Variants in DSCAM observed in about 807,000 individuals in gnomAD.
DSCAM encodes DS cell adhesion molecule.
DSCAM carries 47 observed loss-of-function variants against 217.7 expected under a neutral mutation model. The observed-to-expected ratio is 0.22, with a 90% CI of 0.17 to 0.28. DSCAM has a LOEUF of 0.28. DSCAM is among the 10% of genes least tolerant of loss of function. DSCAM has a pLI of 1.00. For missense variants in DSCAM, 2,080 were observed against 2,618.3 expected, an observed-to-expected ratio of 0.79 and a Z score of 4.49; for synonymous variants, 1,056 against 1,015.3, an observed-to-expected ratio of 1.04 and a Z score of -0.76.
At chr21:40,224,984 AACT>A (rs2146911020) in intron 11 of DSCAM, among the ~76,000 whole-genome samples, 2 of 152,354 alleles carry the variant, frequency 1.3e-5, no homozygotes, top group Non-Finnish European at 2.9e-5. Context: ...TTGAATTAGA[AACT>A]ACCTTTTCAA....
chr21:40,475,909 T>A (rs2075931263), intron 3 of DSCAM, among the ~76,000 whole-genome samples: 1 of 152,180 alleles, frequency 6.6e-6, no homozygotes, highest in Non-Finnish European at 1.5e-5. Flanking sequence ...GTTTCTTTTG[T>A]GTGTAAGTTG....
intron 4 of DSCAM, among the ~76,000 whole-genome samples, chr21:40,356,295 C>A (rs2123658226): frequency 6.6e-6 from 1 of 151,970 alleles, no homozygotes; most frequent in South Asian, 2.1e-4. Context: ...GACAGTTGAT[C>A]TTAAACATTG....
chr21:40,206,851 C>T (rs2091132586), intron 11 of DSCAM, among the ~76,000 whole-genome samples: 1 of 152,194 alleles, frequency 6.6e-6, no homozygotes, highest in Admixed American at 6.5e-5. Flanking sequence ...GTCAAGGCTG[C>T]AGTGAACTCT....
intron 11 of DSCAM, among the ~76,000 whole-genome samples, chr21:40,198,009 T>C (rs992245615): frequency 2.0e-5 from 3 of 152,150 alleles, no homozygotes; most frequent in African/African-American, 7.2e-5. Flanking sequence ...CTGAACACCC[T>C]TGGAAGCCCC....
chr21:40,456,722 G>A lies in DSCAM; in HGVS notation c.509-87477C>T, dbSNP rs1055769370. Reference sequence around the variant, plus strand: ...ATTATTGTGAATACAATGGAATGATGAGTGTCACTAAATGGATAGCTAATA... The same window carrying A: ...ATTATTGTGAATACAATGGAATGATAAGTGTCACTAAATGGATAGCTAATA... On this transcript the variant is annotated intron_variant, in intron 3 of 32. Coordinates refer to ENST00000400454, the MANE Select transcript of DSCAM (RefSeq NM_001389.5). Among the ~76,000 whole-genome samples the A allele has an allele frequency of 2.1e-4, 32 of 151,826 alleles. 1 individual carries two copies. The highest frequency in any genetic ancestry group is 1.8e-3 in the Admixed American group (28 of 15,242).
intron 3 of DSCAM, among the ~76,000 whole-genome samples, chr21:40,498,870 G>A (rs932341480): frequency 7.6e-5 from 11 of 145,240 alleles, no homozygotes; most frequent in Non-Finnish European, 1.5e-4. Flanking sequence ...TATTATAAGA[G>A]AGTAATAAAA....
chr21:40,398,199 G>A (rs1392529133), intron 3 of DSCAM, among the ~76,000 whole-genome samples: 1 of 152,170 alleles, frequency 6.6e-6, no homozygotes, highest in Non-Finnish European at 1.5e-5. Context: ...TAGGGGACAT[G>A]TCACTTTGAT....
intron 27 of DSCAM, among the ~76,000 whole-genome samples, chr21:40,073,692 T>C (rs1264671907): frequency 1.3e-5 from 2 of 152,238 alleles, no homozygotes; most frequent in Non-Finnish European, 2.9e-5. Flanking sequence ...TATTTCTGTA[T>C]TCATGACATG....
chr21:40,841,972 C>T (rs922649604), intron 1 of DSCAM, among the ~76,000 whole-genome samples: 11 of 152,218 alleles, frequency 7.2e-5, no homozygotes, highest in African/African-American at 2.2e-4. Flanking sequence ...ACGAACTCTA[C>T]GACGCCGGAG....
chr21:40,348,698 A>G (rs1182207455), intron 5 of DSCAM, among the ~76,000 whole-genome samples: 1 of 152,186 alleles, frequency 6.6e-6, no homozygotes, highest in Non-Finnish European at 1.5e-5. Context: ...TATCAGCCAC[A>G]TTATTTCACA....
intron 3 of DSCAM, among the ~76,000 whole-genome samples, chr21:40,428,289 T>TGTGA (rs1555917210): frequency 7.7e-5 from 11 of 142,062 alleles, no homozygotes; most frequent in African/African-American, 2.7e-4. Context: ...TGTGTGTGTG[T>TGTGA]GATGGAGTTT....
chr21:40,584,446 A>G (rs566620448), intron 3 of DSCAM, among the ~76,000 whole-genome samples: 44 of 152,230 alleles, frequency 2.9e-4, no homozygotes, highest in Non-Finnish European at 5.0e-4. Flanking sequence ...CGTCGGCAGC[A>G]GGGCAGTGAG....
At chr21:40,674,861 G>T (rs1483525889) in intron 3 of DSCAM, among the ~76,000 whole-genome samples, 1 of 151,982 alleles carries the variant, frequency 6.6e-6, no homozygotes, top group East Asian at 1.9e-4. Context: ...TTGACCTCCT[G>T]ATCCACCCGC....
At chr21:40,432,174 G>C (rs2075539668) in intron 3 of DSCAM, among the ~76,000 whole-genome samples, 1 of 151,576 alleles carries the variant, frequency 6.6e-6, no homozygotes, top group Non-Finnish European at 1.5e-5. Flanking sequence ...TTCAGTCCGG[G>C]CAACAGCATG....
At chr21:40,242,255 A>G (rs561568778) in intron 11 of DSCAM, among the ~76,000 whole-genome samples, 11 of 152,304 alleles carry the variant, frequency 7.2e-5, no homozygotes, top group Non-Finnish European at 1.5e-4. Flanking sequence ...TAAATAAAGT[A>G]ATGTTTTAGG....
chr21:40,767,136 T>C (rs889875753), intron 1 of DSCAM, among the ~76,000 whole-genome samples: 2 of 152,170 alleles, frequency 1.3e-5, no homozygotes, highest in South Asian at 2.1e-4. Flanking sequence ...TAAAACATGT[T>C]AGGAGCACTG....
intron 1 of DSCAM, among the ~76,000 whole-genome samples, chr21:40,837,275 C>T (rs1246158689): frequency 6.6e-6 from 1 of 152,168 alleles, no homozygotes; most frequent in African/African-American, 2.4e-5. Flanking sequence ...CTTACTCTCC[C>T]ATCCTCAGCA....
At chr21:40,557,858 A>G in intron 3 of DSCAM, among the ~76,000 whole-genome samples, 1 of 152,174 alleles carries the variant, frequency 6.6e-6, no homozygotes, top group East Asian at 1.9e-4. Context: ...ATACATATAT[A>G]CACACGCACT....
chr21:40,428,833 TACACACAC>T (rs35691309), intron 3 of DSCAM, among the ~76,000 whole-genome samples: 193 of 149,190 alleles, frequency 1.3e-3, no homozygotes, highest in African/African-American at 4.3e-3. Flanking sequence ...AGCGACCTAA[TACACACAC>T]ACACACACAC....
Sources: gnomAD v4.1 joint callset for allele counts (sites outside exome capture counted in the v4.1 genomes callset) on GRCh38, gnomAD v4.1.1 for gene constraint, MANE v1.5 for transcripts, NCBI Gene and HGNC (gene_info 2026-07-23, HGNC 2026-07-21) for gene names.